Variants in PARD3 observed in about 807,000 individuals in gnomAD.
The protein encoded by PARD3 is par-3 family cell polarity regulator, also known as partitioning defective 3 homolog.
Under a neutral mutation model 155.4 loss-of-function variants are expected in PARD3, and 75 were observed. The observed-to-expected ratio is 0.48, with a 90% CI of 0.40 to 0.58. PARD3 has a LOEUF of 0.58. Ranked by LOEUF, PARD3 falls within the 20% of genes least tolerant of loss-of-function variation. The pLI is 0.00. For missense variants in PARD3, 1,642 were observed against 1,721.7 expected (o/e 0.95, Z 0.82); for synonymous variants, 576 against 610.5 (o/e 0.94, Z 0.83).
At chr10:34,659,426 C>T (rs2093266097) in intron 2 of PARD3, among the ~76,000 whole-genome samples, 1 of 152,242 alleles carries the variant, frequency 6.6e-6, no homozygotes, top group African/African-American at 2.4e-5. Flanking sequence ...TTCGCCAAAA[C>T]TGTTTCATTG....
chr10:34,634,337 G>A (rs181676470), intron 2 of PARD3, among the ~76,000 whole-genome samples: 7 of 152,276 alleles, frequency 4.6e-5, no homozygotes, highest in African/African-American at 7.2e-5. Context: ...CCATTTGTGC[G>A]TGTGGGTGTG....
At chr10:34,729,547 A>T (rs2094779945) in intron 1 of PARD3, among the ~76,000 whole-genome samples, 1 of 149,238 alleles carries the variant, frequency 6.7e-6, no homozygotes, top group Non-Finnish European at 1.5e-5. Flanking sequence ...AAAAAAAAAG[A>T]TAAGATAAGA....
At chr10:34,666,308 G>A (rs1472163890) in intron 2 of PARD3, among the ~76,000 whole-genome samples, 1 of 151,922 alleles carries the variant, frequency 6.6e-6, no homozygotes, top group Non-Finnish European at 1.5e-5. Flanking sequence ...TTCATACCAT[G>A]CTGACTAATT....
At chr10:34,260,163 TG>T (rs1329307544) in intron 22 of PARD3, among the ~76,000 whole-genome samples, 1 of 152,088 alleles carries the variant, frequency 6.6e-6, no homozygotes, top group Non-Finnish European at 1.5e-5. Context: ...TTTGTAAAGA[TG>T]GGTTTTCGCC....
chr10:34,269,880 C>G lies in PARD3; in HGVS notation c.3196G>C (p.Glu1066Gln), dbSNP rs3758458. 9.9e-5 allele frequency: 159 copies of G among 1,613,688 alleles called. 2 individuals are homozygous for G. The East Asian group carries it at 2.8e-3, about 28-fold the overall frequency. ...EQERIQAKTREFRERQARERD... is the reference protein window; with the variant it reads ...EQERIQAKTRQFRERQARERD... The stretch of plus-strand genomic sequence containing the variant: ...TCTCGAGCTTGTCGTTCCCTAAATT[C>G]TCGAGTTTTGGCTTGAATCCTATGA... The change falls in exon 22 of 25, where the codon GAA (glutamate) becomes CAA (glutamine). Residue 1066 changes from glutamate to glutamine, a missense_variant. Glu to Gln is a conservative substitution (Grantham distance 29). Around this residue, in one of 3 missense-constraint regions of PARD3, gnomAD observed 1,529 missense variants for 1,587.3 expected, o/e 0.96. Coordinates refer to ENST00000374788, the MANE Select transcript of PARD3 (RefSeq NM_001184785.2).
At chr10:34,655,266 T>A (rs2093134136) in intron 2 of PARD3, among the ~76,000 whole-genome samples, 1 of 152,124 alleles carries the variant, frequency 6.6e-6, no homozygotes, top group South Asian at 2.1e-4. Flanking sequence ...CATAAAGGTA[T>A]ATATGAGTTT....
At chr10:34,272,095 C>T (rs1016455210) in intron 21 of PARD3, among the ~76,000 whole-genome samples, 1 of 152,004 alleles carries the variant, frequency 6.6e-6, no homozygotes, top group African/African-American at 2.4e-5. Flanking sequence ...GGTGCAGGAG[C>T]CATGAGATAA....
chr10:34,545,579 G>C (rs890201863), intron 2 of PARD3, among the ~76,000 whole-genome samples: 3 of 152,014 alleles, frequency 2.0e-5, no homozygotes, highest in Non-Finnish European at 2.9e-5. Flanking sequence ...TTTTGAGATG[G>C]AGTCTCGCTC....
Position 34,172,117 on chromosome 10 carries a change from G to A in PARD3, c.3420-40534C>T, listed in dbSNP as rs554928209. Among the ~76,000 whole-genome samples the A allele has an allele frequency of 3.3e-5, 5 of 152,100 alleles. No individual in the cohort carries two copies. The East Asian group carries it at 9.7e-4, about 29-fold the overall frequency. ...AGATTTTTTTGGACAGGCAATTGCT[G>A]TTGCAACACAACATTCTCAAGGGTT... On this transcript the variant is annotated intron_variant, in intron 22 of 24. Coordinates refer to ENST00000374788, the MANE Select transcript of PARD3 (RefSeq NM_001184785.2).
chr10:34,766,263 G>T (rs549606056), intron 1 of PARD3, among the ~76,000 whole-genome samples: 1 of 152,178 alleles, frequency 6.6e-6, no homozygotes, highest in African/African-American at 2.4e-5. Context: ...TATGGGGGAC[G>T]TGGGGGGATC....
chr10:34,450,687 C>A (rs1260213471), intron 4 of PARD3, among the ~76,000 whole-genome samples: 1 of 152,118 alleles, frequency 6.6e-6, no homozygotes, highest in Non-Finnish European at 1.5e-5. Flanking sequence ...ACACACGGCA[C>A]ACAACAGACA....
At chr10:34,268,212 A>G (rs1029161774) in intron 22 of PARD3, among the ~76,000 whole-genome samples, 16 of 152,190 alleles carry the variant, frequency 1.1e-4, no homozygotes, top group Admixed American at 9.2e-4. Flanking sequence ...TGACATGCAA[A>G]TCAAAACCAT....
chr10:34,516,654 C>A (rs1298253470), intron 3 of PARD3, among the ~76,000 whole-genome samples: 1 of 152,206 alleles, frequency 6.6e-6, no homozygotes. Context: ...TGTTTCAGTG[C>A]AAAGCTCTTT....
intron 1 of PARD3, among the ~76,000 whole-genome samples, chr10:34,711,425 G>A (rs1325662208): frequency 6.6e-6 from 1 of 152,152 alleles, no homozygotes; most frequent in East Asian, 1.9e-4. Flanking sequence ...GGAGGCTGAG[G>A]CAGAAGAATC....
chr10:34,493,202 G>A (rs2080035032), intron 3 of PARD3, among the ~76,000 whole-genome samples: 1 of 152,108 alleles, frequency 6.6e-6, no homozygotes, highest in South Asian at 2.1e-4. Context: ...CTAGTACAAT[G>A]CAAGACATGC....
chr10:34,301,560 T>A lies in PARD3; in HGVS notation c.3065+15547A>T, dbSNP rs187009434. Among the ~76,000 whole-genome samples the A allele has an allele frequency of 9.9e-5, 15 of 152,194 alleles. No individual in the cohort carries two copies. The East Asian group carries it at 2.7e-3, about 28-fold the overall frequency. On this transcript the variant is annotated intron_variant, in intron 20 of 24. Transcript: ENST00000374788. The stretch of plus-strand genomic sequence containing the variant: ...CCCTCTATACGCACTTCCCAGACCA[T>A]CTGTTCACTCACACTGCCATGGTTG...
At position 34,327,743 on chromosome 10, in the gene PARD3, G is replaced by T. The variant is rs562679409; in HGVS notation, c.2833+3374C>A. On this transcript the variant is annotated intron_variant, in intron 19 of 24. Coordinates refer to ENST00000374788, the MANE Select transcript of PARD3 (RefSeq NM_001184785.2). The stretch of plus-strand genomic sequence containing the variant: ...GTCCCATGTGACAAAAAGACCATCT[G>T]CCTAGACGAGGGTCCTCTTTTCAGA... 6.6e-5 allele frequency among the ~76,000 whole-genome samples: 10 copies of T among 152,274 alleles called. No homozygotes were observed. In the South Asian group the frequency reaches 2.1e-3, roughly 32 times the overall value.
chr10:34,281,959 AGTGGTT>A (rs1315006917), intron 21 of PARD3, among the ~76,000 whole-genome samples: 1 of 152,040 alleles, frequency 6.6e-6, no homozygotes, highest in Non-Finnish European at 1.5e-5. Flanking sequence ...GAATATAAGT[AGTGGTT>A]TATTTATTTT....
At chr10:34,690,759 A>G (rs2477006) in intron 2 of PARD3, among the ~76,000 whole-genome samples, 4,769 of 152,272 alleles carry the variant, frequency 0.031, 81 homozygotes, top group African/African-American at 0.044. Context: ...TGCGTCTGTA[A>G]AAGTAAAAAG....
Sources: allele counts gnomAD v4.1 joint callset (sites outside exome capture counted in the v4.1 genomes callset), GRCh38; gene constraint gnomAD v4.1.1; regional missense constraint gnomAD v4.1.1; transcripts MANE v1.5; gene names NCBI Gene and HGNC (gene_info 2026-07-23, HGNC 2026-07-21).